Variants in ENKUR observed in about 807,000 individuals in gnomAD.
The protein encoded by ENKUR is enkurin.
ENKUR carries 19 observed loss-of-function variants against 27.6 expected under a neutral mutation model. That is an observed-to-expected ratio of 0.69 (90% CI 0.48 to 1.01). The LOEUF (loss-of-function observed/expected upper bound fraction) is 1.01. Among genes scored for constraint, ENKUR ranks in the 50% least tolerant of loss-of-function variants. ENKUR has a pLI of 0.00. For synonymous variants in ENKUR, 117 were observed against 96.9 expected, an observed-to-expected ratio of 1.21 and a Z score of -1.22; for missense variants, 312 against 310.5, an observed-to-expected ratio of 1.00 and a Z score of -0.04.
At chr10:25,016,921 GCTT>G (rs1295861129), upstream of ENKUR, 2 of 152,484 alleles carry the variant, frequency 1.3e-5, no homozygotes, top group Non-Finnish European at 2.9e-5. Flanking sequence ...TTTTCCTGCT[GCTT>G]CTGGTCGAGG....
intron 4 of ENKUR, among the ~76,000 whole-genome samples, chr10:24,985,570 A>C (rs912120398): frequency 2.0e-5 from 3 of 152,238 alleles, no homozygotes; most frequent in African/African-American, 7.2e-5. Flanking sequence ...TCAATAATGT[A>C]GCTAACAGTT....
At chr10:25,059,970 G>A (rs1375595893) in intron 2 of ENKUR, among the ~76,000 whole-genome samples, 4 of 152,200 alleles carry the variant, frequency 2.6e-5, no homozygotes, top group East Asian at 1.9e-4. Context: ...CCTTGTGTGC[G>A]TTCTGTGGGG....
chr10:25,004,860 C>A (rs941858408), intron 1 of ENKUR, among the ~76,000 whole-genome samples: 1 of 152,130 alleles, frequency 6.6e-6, no homozygotes, highest in Non-Finnish European at 1.5e-5. Flanking sequence ...AATGGTATTG[C>A]CTAGGTTGTC....
At chr10:25,003,193 T>C (rs113148643) in intron 1 of ENKUR, among the ~76,000 whole-genome samples, 3,792 of 151,720 alleles carry the variant, frequency 0.025, 156 homozygotes, top group African/African-American at 0.087. Context: ...TTTATTTATT[T>C]ATTCATTTAT....
rs758053431 is a variant in ENKUR at position 24,999,544 on chromosome 10, T to C, written c.80A>G (p.Tyr27Cys). Residue 27 changes from tyrosine (Y) to cysteine (C), a missense_variant and splice_region_variant, in exon 2 of 6, where the codon TAC becomes TGC. Tyr to Cys is a radical substitution (Grantham distance 194). Coordinates refer to ENST00000331161, the MANE Select transcript of ENKUR (RefSeq NM_145010.4). The stretch of plus-strand genomic sequence containing the variant: ...TACAGTTGCCTTAAAAATGGATATG[T>C]ACCTAAAATTGAATTTTAAAAGTTG... ...DLKEPPQPPR[Y>C]ISIFKATVKD... 3 of 1,598,322 alleles carry C rather than the reference T, an allele frequency of 1.9e-6. No homozygotes were observed. Among genetic ancestry groups the C allele is most frequent in the African/African-American group, 2.7e-5 (2 of 73,966 alleles).
intron 2 of ENKUR, among the ~76,000 whole-genome samples, chr10:25,058,022 C>T (rs1281197133): frequency 6.6e-6 from 1 of 151,996 alleles, no homozygotes; most frequent in African/African-American, 2.4e-5. Flanking sequence ...TCAGTAATGC[C>T]AAACCCCAAG....
At chr10:25,008,485 T>G (rs1468026843) in intron 1 of ENKUR, among the ~76,000 whole-genome samples, 3 of 152,172 alleles carry the variant, frequency 2.0e-5, no homozygotes, top group Admixed American at 2.0e-4. Flanking sequence ...TTATAAAGAC[T>G]TCAGAACATG....
intron 1 of ENKUR, among the ~76,000 whole-genome samples, chr10:25,015,054 T>C (rs1850534541): frequency 6.6e-6 from 1 of 152,302 alleles, no homozygotes; most frequent in South Asian, 2.1e-4. Context: ...CGGACAAGGA[T>C]GATGGTAAAA....
At chr10:25,024,020 T>C in intron 2 of ENKUR, 2 of 1,614,214 alleles carry the variant, frequency 1.2e-6, no homozygotes, top group Non-Finnish European at 1.7e-6. Flanking sequence ...GGTGGCCTCT[T>C]TGTTCCTGCA....
intron 2 of ENKUR, among the ~76,000 whole-genome samples, chr10:25,052,976 T>A (rs527639748): frequency 6.6e-6 from 1 of 151,682 alleles, no homozygotes; most frequent in African/African-American, 2.4e-5. Context: ...ACCATGTTGG[T>A]TGGGCTGGTC....
At chr10:25,056,412 A>T (rs1851256439) in intron 2 of ENKUR, among the ~76,000 whole-genome samples, 1 of 152,240 alleles carries the variant, frequency 6.6e-6, no homozygotes, top group South Asian at 2.1e-4. Flanking sequence ...TCTTATGAGA[A>T]TGGGGGAAGA....
intron 2 of ENKUR, chr10:25,024,845 C>T (rs1050014494): frequency 6.2e-7 from 1 of 1,613,940 alleles, no homozygotes; most frequent in Non-Finnish European, 8.5e-7. Context: ...CATGTTTTGA[C>T]TGATTTTATA....
intron 2 of ENKUR, 44 bp from the exon 3 acceptor site, chr10:24,995,913 C>T: frequency 6.8e-7 from 1 of 1,475,152 alleles, no homozygotes. Context: ...ACTACAAACA[C>T]TGCTACTCAG....
At chr10:24,992,246 C>T (rs1199006935) in intron 3 of ENKUR, among the ~76,000 whole-genome samples, 1 of 151,786 alleles carries the variant, frequency 6.6e-6, no homozygotes, top group East Asian at 1.9e-4. Context: ...AGAGACTCAC[C>T]AAAAATAGAG....
At chr10:25,047,559 G>A (rs970365964) in intron 2 of ENKUR, among the ~76,000 whole-genome samples, 5 of 152,084 alleles carry the variant, frequency 3.3e-5, no homozygotes, top group African/African-American at 7.2e-5. Flanking sequence ...CATTTCTTCT[G>A]CCTTAACAAA....
chr10:25,024,650 T>C, intron 2 of ENKUR: 1 of 1,614,258 alleles, frequency 6.2e-7, no homozygotes, highest in Non-Finnish European at 8.5e-7. Context: ...TGGGGCCGAC[T>C]ACTTCCGCAG....
At chr10:24,998,859 T>C (rs1478115707) in intron 2 of ENKUR, among the ~76,000 whole-genome samples, 2 of 152,182 alleles carry the variant, frequency 1.3e-5, no homozygotes, top group African/African-American at 4.8e-5. Context: ...AAAATAAGCA[T>C]GGGGCCCTAA....
chr10:25,018,815 A>C (rs1179124656), upstream of ENKUR, among the ~76,000 whole-genome samples: 17 of 152,198 alleles, frequency 1.1e-4, no homozygotes, highest in Non-Finnish European at 2.2e-4. Flanking sequence ...TGGATACTAA[A>C]GTTTTCAATT....
chr10:25,027,357 CAAAAAA>C (rs71399946), intron 2 of ENKUR, among the ~76,000 whole-genome samples: 60 of 48,490 alleles, frequency 1.2e-3, no homozygotes, highest in African/African-American at 4.8e-3. Flanking sequence ...ACTCCCGTCT[CAAAAAA>C]AAAAAAAAAA....
Sources: gnomAD v4.1 joint callset for allele counts (sites outside exome capture counted in the v4.1 genomes callset) on GRCh38, gnomAD v4.1.1 for gene constraint, MANE v1.5 for transcripts, NCBI Gene and HGNC (gene_info 2026-07-23, HGNC 2026-07-21) for gene names.